Variants in DOCK1 observed in about 807,000 individuals in gnomAD.
DOCK1 encodes the protein dedicator of cytokinesis 1.
In DOCK1, 138 loss-of-function variants were observed where a neutral mutation model predicts 262.7. The ratio of observed to expected loss-of-function variants is 0.53; its 90% CI spans 0.46 to 0.61. The LOEUF is 0.61. Among genes scored for constraint, DOCK1 ranks in the 20% least tolerant of loss-of-function variants. The probability of loss-of-function intolerance (pLI) is 0.00; values close to 1 mark genes in which losing one functional copy is unlikely to be tolerated. For synonymous variants in DOCK1, 866 were observed against 867.4 expected, an observed-to-expected ratio of 1.00 and a Z score of 0.03; for missense variants, 1,908 against 2,370.7, an observed-to-expected ratio of 0.80 and a Z score of 4.05.
intron 23 of DOCK1, among the ~76,000 whole-genome samples, chr10:127,071,832 T>C (rs1268116960): frequency 6.6e-6 from 1 of 152,218 alleles, no homozygotes; most frequent in Non-Finnish European, 1.5e-5. Flanking sequence ...AATTTTATGA[T>C]CCATTTTTCC....
At chr10:127,290,890 TGCA>T (rs1325798736) in intron 29 of DOCK1, among the ~76,000 whole-genome samples, 1 of 152,238 alleles carries the variant, frequency 6.6e-6, no homozygotes, top group Non-Finnish European at 1.5e-5. Context: ...AACATTTGTG[TGCA>T]GTTTTTTGTG....
chr10:127,241,966 C>T (rs1200641399), intron 27 of DOCK1, among the ~76,000 whole-genome samples: 1 of 152,124 alleles, frequency 6.6e-6, no homozygotes. Flanking sequence ...CACATGTAGC[C>T]TCCTGAGTAC....
Position 127,419,683 on chromosome 10 carries a change from G to A in DOCK1, c.4710G>A (p.Arg1570=). The A allele has an allele frequency of 6.2e-7, 1 of 1,605,276 alleles. No homozygotes were observed. Among genetic ancestry groups the A allele is most frequent in the Non-Finnish European group, 8.5e-7 (1 of 1,175,710 alleles). ...TCCACCAGGCCTTCTTTACAGACCG[G>A]TACCTGCAGGAGCACCCTGAGGCCC... The part of the protein sequence containing the change: ...ANYEKAFFTD[R]YLQEHPEAHE... Residue 1570 remains arginine, a synonymous_variant, in exon 46 of 52, where the codon CGG becomes CGA. Coordinates refer to ENST00000623213, the MANE Select transcript of DOCK1 (RefSeq NM_001290223.2).
At chr10:127,237,363 G>GAAA (rs60864459) in intron 27 of DOCK1, among the ~76,000 whole-genome samples, 13,681 of 134,562 alleles carry the variant, frequency 0.1, 1,004 homozygotes, top group Non-Finnish European at 0.15. Flanking sequence ...TCCATCTCAG[G>GAAA]AAAAAAAAAA....
chr10:127,134,040 T>C (rs971435366), intron 27 of DOCK1, among the ~76,000 whole-genome samples: 1 of 152,224 alleles, frequency 6.6e-6, no homozygotes, highest in Non-Finnish European at 1.5e-5. Context: ...ATAAAAATGC[T>C]AAGGAATGAG....
At chr10:127,018,565 C>T (rs1591677648) in intron 12 of DOCK1, 145 bp from the exon 13 acceptor site, 2 of 1,308,774 alleles carry the variant, frequency 1.5e-6, no homozygotes, top group East Asian at 5.0e-5. Flanking sequence ...TTTGCCTTGC[C>T]CCTCTCTTTC....
intron 32 of DOCK1, among the ~76,000 whole-genome samples, chr10:127,356,445 G>A (rs899368859): frequency 9.2e-5 from 14 of 152,132 alleles, no homozygotes; most frequent in East Asian, 3.9e-4. Context: ...CAGTAATAAC[G>A]TGCTAAGGCT....
At chr10:127,195,811 C>T (rs1367183227) in intron 27 of DOCK1, among the ~76,000 whole-genome samples, 1 of 152,152 alleles carries the variant, frequency 6.6e-6, no homozygotes, top group Non-Finnish European at 1.5e-5. Flanking sequence ...GCGACCGCAC[C>T]GGGTCCGCTC....
chr10:127,021,244 C>T (rs2042401031), intron 13 of DOCK1, among the ~76,000 whole-genome samples: 1 of 152,180 alleles, frequency 6.6e-6, no homozygotes, highest in Non-Finnish European at 1.5e-5. Flanking sequence ...CAGCTCACCG[C>T]AACGTCTGCC....
chr10:127,193,648 ATCAT>A (rs575180958), intron 27 of DOCK1, among the ~76,000 whole-genome samples: 131 of 152,364 alleles, frequency 8.6e-4, no homozygotes, highest in African/African-American at 3.0e-3. Context: ...ATTTCTGAGA[ATCAT>A]TTTGATTTTT....
chr10:127,153,082 T>C (rs565647313), intron 27 of DOCK1, among the ~76,000 whole-genome samples: 1 of 152,356 alleles, frequency 6.6e-6, no homozygotes, highest in Non-Finnish European at 1.5e-5. Context: ...TTTGATAATT[T>C]GGTGGATCAC....
intron 36 of DOCK1, among the ~76,000 whole-genome samples, chr10:127,380,358 A>G (rs899250225): frequency 7.9e-5 from 12 of 152,056 alleles, no homozygotes; most frequent in African/African-American, 2.4e-4. Flanking sequence ...GCAAAACTAC[A>G]AATAATTGTT....
chr10:127,362,936 C>CCCACACACACACACATGCACCT (rs2064628006), intron 33 of DOCK1, among the ~76,000 whole-genome samples: 1 of 142,438 alleles, frequency 7.0e-6, no homozygotes, highest in African/African-American at 2.8e-5. Context: ...CATGCACATC[C>CCCACACACACACACATGCACCT]CCCCACACAC....
intron 1 of DOCK1, among the ~76,000 whole-genome samples, chr10:126,963,547 C>T (rs976812029): frequency 2.3e-4 from 34 of 150,564 alleles, no homozygotes; most frequent in Non-Finnish European, 8.9e-5. Context: ...CCTTCACTTC[C>T]GTCCTTTCGC....
intron 1 of DOCK1, among the ~76,000 whole-genome samples, chr10:126,945,714 T>C (rs1181380785): frequency 2.6e-5 from 4 of 152,222 alleles, no homozygotes; most frequent in African/African-American, 7.2e-5. Context: ...CCGGCCTCTT[T>C]TTCCAGTCCC....
At chr10:127,422,993 A>C (rs1171184282) in intron 46 of DOCK1, among the ~76,000 whole-genome samples, 1 of 152,198 alleles carries the variant, frequency 6.6e-6, no homozygotes, top group Admixed American at 6.5e-5. Flanking sequence ...ATATTAAAGG[A>C]TGAATTTTAA....
At chr10:127,154,650 G>A (rs2052855161) in intron 27 of DOCK1, among the ~76,000 whole-genome samples, 1 of 152,126 alleles carries the variant, frequency 6.6e-6, no homozygotes, top group Non-Finnish European at 1.5e-5. Context: ...TACTCCCATT[G>A]CCATAACTTC....
intron 27 of DOCK1, among the ~76,000 whole-genome samples, chr10:127,190,669 C>A (rs1236623436): frequency 4.7e-5 from 1 of 21,442 alleles, no homozygotes; most frequent in African/African-American, 1.6e-4. Context: ...CTATCTTCCC[C>A]CCCCCCCCCC....
At position 127,110,262 on chromosome 10, in the gene DOCK1, A is replaced by T; in HGVS notation, c.2531A>T (p.Glu844Val). The change falls in exon 25 of 52, where the codon GAA becomes GTA. Residue 844 changes from glutamate (E) to valine (V), a missense_variant. Glu to Val is a moderately radical substitution (Grantham distance 121). Around this residue, in one of 9 missense-constraint regions of DOCK1, gnomAD observed 518 missense variants for 575.1 expected, o/e 0.90. Coordinates refer to ENST00000623213, the MANE Select transcript of DOCK1 (RefSeq NM_001290223.2). ...TTTCCTCACAGCAAAATGTTTACTG[A>T]ATTCATCCTCAATGTTCCCATGGGC... ...DPKELSKMFTEFILNVPMGLL... is the reference protein window; with the variant it reads ...DPKELSKMFTVFILNVPMGLL... 1 of 1,612,842 alleles carries T rather than the reference A, an allele frequency of 6.2e-7. No individual in the cohort carries two copies.
Sources: allele counts gnomAD v4.1 joint callset (sites outside exome capture counted in the v4.1 genomes callset), GRCh38; gene constraint gnomAD v4.1.1; regional missense constraint gnomAD v4.1.1; transcripts MANE v1.5; gene names NCBI Gene and HGNC (gene_info 2026-07-23, HGNC 2026-07-21).